PALLD: variants seen among roughly 807,000 people sequenced by gnomAD.
The protein encoded by PALLD is palladin, cytoskeletal associated protein.
PALLD carries 61 observed loss-of-function variants against 123.5 expected under a neutral mutation model. That is an observed-to-expected ratio of 0.49 (90% confidence interval 0.40 to 0.61). The LOEUF (loss-of-function observed/expected upper bound fraction) is 0.61, where lower values mean the gene tolerates loss of function less well. PALLD is among the 20% of genes least tolerant of loss of function. The pLI, the probability that PALLD is intolerant of heterozygous loss-of-function variation, is 0.00. For missense variants in PALLD, 1,273 were observed against 1,377.0 expected, an observed-to-expected ratio of 0.92 and a Z score of 1.20; for synonymous variants, 465 against 496.4, an observed-to-expected ratio of 0.94 and a Z score of 0.84.
intron 9 of PALLD, among the ~76,000 whole-genome samples, chr4:168,710,090 ACTCAGAGAAG>A (rs1260912283): frequency 6.6e-6 from 1 of 152,112 alleles, no homozygotes; most frequent in Non-Finnish European, 1.5e-5. Flanking sequence ...ACAAGATAAA[ACTCAGAGAAG>A]CTGTAAAGGC....
At chr4:168,517,931 T>A (rs1218409990) in intron 2 of PALLD, among the ~76,000 whole-genome samples, 4 of 152,196 alleles carry the variant, frequency 2.6e-5, no homozygotes, top group African/African-American at 9.6e-5. Flanking sequence ...GATACACAAT[T>A]AAGATGTGCA....
At chr4:168,606,996 A>G (rs1244456426) in intron 2 of PALLD, among the ~76,000 whole-genome samples, 1 of 152,174 alleles carries the variant, frequency 6.6e-6, no homozygotes, top group East Asian at 1.9e-4. Context: ...TTTCTTTAAG[A>G]TGAGGGAGAA....
At chr4:168,660,623 C>T (rs7678491) in intron 2 of PALLD, among the ~76,000 whole-genome samples, 93,350 of 151,832 alleles carry the variant, frequency 0.61, 29,193 homozygotes, top group African/African-American at 0.72. Flanking sequence ...TGTATGTGTA[C>T]GTATACATAT....
At chr4:168,561,699 C>G (rs1434120617) in intron 2 of PALLD, among the ~76,000 whole-genome samples, 1 of 152,184 alleles carries the variant, frequency 6.6e-6, no homozygotes, top group Non-Finnish European at 1.5e-5. Context: ...ACAGATTATT[C>G]AAACTTCTCT....
At chr4:168,625,500 G>GATATATAT (rs1554052783) in intron 2 of PALLD, among the ~76,000 whole-genome samples, 1 of 35,220 alleles carries the variant, frequency 2.8e-5, no homozygotes, top group African/African-American at 8.6e-5. Flanking sequence ...TAATATCCAG[G>GATATATAT]AGATATATAT....
intron 16 of PALLD, 27 bp downstream of exon 16, chr4:168,914,048 T>C (rs761840472): frequency 2.7e-5 from 35 of 1,306,492 alleles, no homozygotes; most frequent in Non-Finnish European, 3.9e-5. Flanking sequence ...TTCCCAGAAG[T>C]GTTACATTAT....
chr4:168,815,859 A>G (rs115279714), intron 10 of PALLD, among the ~76,000 whole-genome samples: 9,591 of 152,344 alleles, frequency 0.063, 393 homozygotes, highest in South Asian at 0.17. Context: ...CAGAACAAGT[A>G]TTGGGAACAA....
At chr4:168,650,696 T>G (rs1290017890) in intron 2 of PALLD, among the ~76,000 whole-genome samples, 3 of 152,218 alleles carry the variant, frequency 2.0e-5, no homozygotes, top group Non-Finnish European at 4.4e-5. Context: ...ATAGCAATTT[T>G]CAATATTATG....
At chr4:168,500,385 T>G (rs1278203884) in intron 1 of PALLD, among the ~76,000 whole-genome samples, 1 of 80,012 alleles carries the variant, frequency 1.2e-5, no homozygotes, top group African/African-American at 4.6e-5. Context: ...GTTTTTTGAG[T>G]CAGGGTCTCA....
chr4:168,746,380 CAAAAAAA>C (rs747755592), intron 10 of PALLD, among the ~76,000 whole-genome samples: 1,341 of 36,874 alleles, frequency 0.036, 12 homozygotes, highest in Admixed American at 0.063. Flanking sequence ...GAACCCGTCT[CAAAAAAA>C]AAAAAAAAAA....
At chr4:168,640,288 A>T (rs1279841771) in intron 2 of PALLD, among the ~76,000 whole-genome samples, 1 of 152,150 alleles carries the variant, frequency 6.6e-6, no homozygotes, top group Non-Finnish European at 1.5e-5. Context: ...GTTCCTGACT[A>T]CTACTCCAAT....
chr4:168,861,177 T>C (rs1415854667), intron 10 of PALLD, among the ~76,000 whole-genome samples: 1 of 152,180 alleles, frequency 6.6e-6, no homozygotes, highest in African/African-American at 2.4e-5. Flanking sequence ...CAAAACTAAT[T>C]ACTTGCAAAG....
At chr4:168,713,474 T>C (rs2150221615) in intron 10 of PALLD, among the ~76,000 whole-genome samples, 1 of 152,350 alleles carries the variant, frequency 6.6e-6, no homozygotes, top group Admixed American at 6.5e-5. Context: ...TTAAGTAAAG[T>C]CTATCTACTC....
chr4:168,517,854 C>G (rs915397009), intron 2 of PALLD, among the ~76,000 whole-genome samples: 10 of 152,122 alleles, frequency 6.6e-5, no homozygotes, highest in Non-Finnish European at 1.2e-4. Flanking sequence ...AAAATCCTGA[C>G]AATACACGTG....
intron 2 of PALLD, among the ~76,000 whole-genome samples, chr4:168,644,529 C>T (rs979324533): frequency 8.5e-5 from 13 of 152,152 alleles, no homozygotes; most frequent in Non-Finnish European, 1.8e-4. Flanking sequence ...CCACCTGTTC[C>T]GTCCCATCAT....
chr4:168,761,645 G>GTTTTTTTTTGTTTTTTTTTTTTTTTT (rs1732875430), intron 10 of PALLD, among the ~76,000 whole-genome samples: 1 of 88,022 alleles, frequency 1.1e-5, no homozygotes, highest in Non-Finnish European at 2.2e-5. Flanking sequence ...GTTGTTGTTT[G>GTTTTTTTTTGTTTTTTTTTTTTTTTT]TTTTTTTTTT....
In PALLD at chr4:168,709,593, A is replaced by G. The variant is rs1361705271; in HGVS notation, c.1621+446A>G. On this transcript the variant is annotated intron_variant, in intron 9 of 21. Coordinates refer to ENST00000505667, the MANE Select transcript of PALLD (RefSeq NM_001166108.2). ...AAGGAAGGAAGGAAGGAAGGAAGGG[A>G]GGGAGGGAGGGAGGGAGGGAAGGAA... is the stretch of plus-strand genomic sequence containing the variant. 9.9e-3 allele frequency among the ~76,000 whole-genome samples: 21 copies of G among 2,114 alleles called. 2 individuals carry two copies. Among genetic ancestry groups the G allele is most frequent in the East Asian group, 0.029 (1 of 34 alleles). 1.4% of individuals were successfully genotyped at this position (2,114 alleles called of 152,430 possible). A position where few individuals can be genotyped will look rare whatever the true frequency, so the allele number is the denominator to read the frequency against.
rs117488299 is a variant in PALLD at position 168,557,202 on chromosome 4, T to A, written c.908+44790T>A. ...GGGATTACAGGTGTGTGCCACCTCA[T>A]CTCAGTAATTTTTGTATTTTTAGTA... On this transcript the variant is annotated intron_variant, in intron 2 of 21. Transcript: ENST00000505667. Among the ~76,000 whole-genome samples, 33 of 152,028 alleles carry A rather than the reference T, an allele frequency of 2.2e-4. No individual in the cohort carries two copies. In the East Asian group the frequency reaches 4.7e-3, roughly 21 times the overall value.
At position 168,501,966 on chromosome 4, in the gene PALLD, T is replaced by G. The variant is rs369511713; in HGVS notation, c.-83+4772T>G. Among the ~76,000 whole-genome samples the G allele has an allele frequency of 8.6e-3, 1,091 of 126,734 alleles. 23 individuals are homozygous for G. The highest frequency in any genetic ancestry group is 0.032 in the African/African-American group (1,055 of 33,264). 83.1% of individuals were successfully genotyped at this position (126,734 alleles called of 152,430 possible). On this transcript the variant is annotated intron_variant, in intron 1 of 21. Coordinates refer to ENST00000505667, the MANE Select transcript of PALLD (RefSeq NM_001166108.2). Reference sequence around the variant, plus strand: ...CCAAAATCAATTAAGAAAATGCAGATCAAACCAAGTATAAAAAGCTTTGAA... The same window carrying G: ...CCAAAATCAATTAAGAAAATGCAGAGCAAACCAAGTATAAAAAGCTTTGAA...
Sources: gnomAD v4.1 joint callset for allele counts (sites outside exome capture counted in the v4.1 genomes callset) on GRCh38, gnomAD v4.1.1 for gene constraint, MANE v1.5 for transcripts, NCBI Gene and HGNC (gene_info 2026-07-23, HGNC 2026-07-21) for gene names.